NCOR2: variants seen among roughly 807,000 people sequenced by gnomAD.
The protein encoded by NCOR2 is nuclear receptor corepressor 2, also known as CTG repeat protein 26.
In NCOR2, 81 loss-of-function variants were observed where a neutral mutation model predicts 262.9. That is an observed-to-expected ratio of 0.31 (90% confidence interval 0.26 to 0.37). NCOR2 has a LOEUF of 0.37. Among genes scored for constraint, NCOR2 ranks in the 10% least tolerant of loss-of-function variants. The pLI is 1.00. For synonymous variants in NCOR2, 1,659 were observed against 1,559.3 expected, an observed-to-expected ratio of 1.06 and a Z score of -1.51; for missense variants, 3,385 against 3,621.4, an observed-to-expected ratio of 0.93 and a Z score of 1.68.
At position 124,503,619 on chromosome 12, in the gene NCOR2, GATGGATGGATGGATGGGCGA is replaced by G. The variant is rs1027266928; in HGVS notation, c.-117-8271_-117-8252del. On this transcript the variant is annotated intron_variant, in intron 1 of 46. Transcript: ENST00000404621. This position sits in a 1 kb window ranked among gnomAD's most constrained non-coding sequence, Gnocchi z 4.3. ...GGATGGATGGACGGACGGACGGATG[GATGGATGGATGGATGGGCGA>G]ATGGATGGATGGATGGATGGATGGA... Among the ~76,000 whole-genome samples the G allele has an allele frequency of 6.9e-6, 1 of 144,454 alleles. No homozygotes were observed. The highest frequency in any genetic ancestry group is 1.6e-5 in the Non-Finnish European group (1 of 64,296). The allele number at this position is 144,454 out of a possible 152,430, so 94.8% of individuals were successfully genotyped here. A position where few individuals can be genotyped will look rare whatever the true frequency, so the allele number is the denominator to read the frequency against.
exon 15 of NCOR2, chr12:124,400,594 T>C (rs1430162036): frequency 1.2e-6 from 2 of 1,614,242 alleles, no homozygotes; most frequent in Non-Finnish European, 1.7e-6. Flanking sequence ...CTTCCCTGGC[T>C]GTTGGCAGTT....
At chr12:124,325,392 C>CCCCCGGTG in exon 47 of NCOR2, 1 of 1,152,270 alleles carries the variant, frequency 8.7e-7, no homozygotes, top group Non-Finnish European at 1.1e-6. Context: ...CCCCCCCGCC[C>CCCCCGGTG]TGTTCTGAGT....
chr12:124,555,129 A>G (rs1483129906), intron 1 of NCOR2, among the ~76,000 whole-genome samples: 1 of 152,210 alleles, frequency 6.6e-6, no homozygotes, highest in Non-Finnish European at 1.5e-5. Flanking sequence ...CAGTGTCCCC[A>G]TCTGTAAACA....
At chr12:124,328,692 T>G (rs1378760255) in intron 44 of NCOR2, 1 of 158,466 alleles carries the variant, frequency 6.3e-6, no homozygotes, top group Admixed American at 6.4e-5. Flanking sequence ...TCATGGAGTT[T>G]TAAACTTCTG....
In NCOR2 at chr12:124,432,542, G is replaced by A. The variant is rs560030396; in HGVS notation, c.883-1755C>T. On this transcript the variant is annotated intron_variant, in intron 8 of 46. Transcript: ENST00000405201. The surrounding 1 kb of genome is among the most constrained non-coding windows in gnomAD (Gnocchi z 5.1). ...GGGCTCCGGCCGCACCAGACAGCCCGGATGGAGCCCACTGCCACACCACAG... is the reference window on the plus strand; with the variant it reads ...GGGCTCCGGCCGCACCAGACAGCCCAGATGGAGCCCACTGCCACACCACAG... Among the ~76,000 whole-genome samples the A allele has an allele frequency of 3.9e-5, 6 of 152,290 alleles. No individual in the cohort carries two copies. Among genetic ancestry groups the A allele is most frequent in the East Asian group, 3.9e-4 (2 of 5,176 alleles).
At chr12:124,358,965 G>A (rs536410984) in intron 22 of NCOR2, among the ~76,000 whole-genome samples, 2 of 152,366 alleles carry the variant, frequency 1.3e-5, no homozygotes, top group East Asian at 1.9e-4. Context: ...GGCAGATAGC[G>A]GCTTCGAACC....
Position 124,485,174 on chromosome 12 carries a change from C to T in NCOR2, c.233+1267G>A, listed in dbSNP as rs1237663187. Among the ~76,000 whole-genome samples the T allele has an allele frequency of 4.6e-5, 7 of 152,328 alleles. No homozygotes were observed. In the East Asian group the frequency reaches 1.2e-3, roughly 25 times the overall value. ...TCAAATAATGTCCTCCCAAAATCCA[C>T]GGCCACTGGAACCTCCAAATATAAC... On this transcript the variant is annotated intron_variant, in intron 2 of 46. Coordinates refer to ENST00000405201, the Ensembl canonical transcript of NCOR2.
exon 11 of NCOR2, chr12:124,426,638 CCTT>C (rs1272430890): frequency 6.3e-7 from 1 of 1,589,234 alleles, no homozygotes; most frequent in Non-Finnish European, 8.6e-7. Context: ...CGGAAGGTCT[CCTT>C]CTCCTGCTCA....
At chr12:124,373,097 A>AAT (rs2039631983) in intron 19 of NCOR2, among the ~76,000 whole-genome samples, 1 of 152,264 alleles carries the variant, frequency 6.6e-6, no homozygotes, top group Admixed American at 6.5e-5. Context: ...CAGGGCGGAG[A>AAT]AGCTGGCAAT....
chr12:124,555,692 G>A (rs1019951326), intron 1 of NCOR2, among the ~76,000 whole-genome samples: 5 of 152,168 alleles, frequency 3.3e-5, no homozygotes, highest in Non-Finnish European at 7.3e-5. Context: ...CCGGGAATCC[G>A]CCCAGAAAGC....
chr12:124,335,785 G>A (rs2035825385), intron 38 of NCOR2, 153 bp from the exon 41 acceptor site: 5 of 827,256 alleles, frequency 6.0e-6, no homozygotes, highest in Non-Finnish European at 9.2e-6. Context: ...CAGTAAGGCA[G>A]AGAGGGGTGT....
chr12:124,449,257 G>C lies in NCOR2; in HGVS notation c.815+558C>G, dbSNP rs886131012. Among the ~76,000 whole-genome samples, 5 of 152,154 alleles carry C rather than the reference G, an allele frequency of 3.3e-5. No homozygotes were observed. In the East Asian group the frequency reaches 9.6e-4, roughly 29 times the overall value. ...TTTTCTTCCCTCCTAGCACCGGTCT[G>C]GGAAAAGGCCCCCATCATTAGAATA... On this transcript the variant is annotated intron_variant, in intron 7 of 46. Coordinates refer to ENST00000405201, the Ensembl canonical transcript of NCOR2.
intron 1 of NCOR2, among the ~76,000 whole-genome samples, chr12:124,520,952 G>C (rs1484015963): frequency 6.6e-6 from 1 of 152,180 alleles, no homozygotes; most frequent in African/African-American, 2.4e-5. Flanking sequence ...GCCAAAGGGG[G>C]TCTGGAAAGG....
chr12:124,393,075 A>G (rs2136158260), intron 16 of NCOR2, among the ~76,000 whole-genome samples: 1 of 152,322 alleles, frequency 6.6e-6, no homozygotes, highest in South Asian at 2.1e-4. Flanking sequence ...CCCCCTCCAC[A>G]GCAGGTTCTC....
rs2048945426 is a variant in NCOR2, at chr12:124,504,593, C to G, written c.-117-9225G>C. Among the ~76,000 whole-genome samples the G allele has an allele frequency of 6.6e-6, 1 of 152,216 alleles. No individual in the cohort carries two copies. The highest frequency in any genetic ancestry group is 2.1e-4 in the South Asian group (1 of 4,838). ...CAAACAGAAAGGATTAGAATGCCCA[C>G]AGCAGCACTATTTACATCAGCCAAC... On this transcript the variant is annotated intron_variant, in intron 1 of 46. Transcript: ENST00000404621. The surrounding 1 kb of genome is among the most constrained non-coding windows in gnomAD (Gnocchi z 4.5).
Position 124,566,857 on chromosome 12 carries a change from G to A in NCOR2, c.-165+451C>T, listed in dbSNP as rs973449940. Among the ~76,000 whole-genome samples, 3 of 152,330 alleles carry A rather than the reference G, an allele frequency of 2.0e-5. No individual in the cohort carries two copies. Among genetic ancestry groups the A allele is most frequent in the Middle Eastern group, 3.4e-3 (1 of 294 alleles). ...CTCATGCGCCCCTCCACAACAGCCA[G>A]GCCAGGGAGCTAGGGGTACCATCTC... is the stretch of plus-strand genomic sequence containing the variant. On this transcript the variant is annotated intron_variant, in intron 1 of 32. Transcript: ENST00000458234. The surrounding 1 kb of genome is among the most constrained non-coding windows in gnomAD (Gnocchi z 4.3).
intron 7 of NCOR2, among the ~76,000 whole-genome samples, chr12:124,445,067 A>G (rs1471535738): frequency 6.6e-6 from 1 of 152,170 alleles, no homozygotes; most frequent in Non-Finnish European, 1.5e-5. Flanking sequence ...AGGCAGCAGG[A>G]GGGAAGAAAT....
At chr12:124,414,116 C>T (rs748612387) in intron 13 of NCOR2, among the ~76,000 whole-genome samples, 12 of 152,228 alleles carry the variant, frequency 7.9e-5, no homozygotes, top group South Asian at 2.1e-4. Context: ...TCCTACCTGG[C>T]GGATCAGGGC....
At position 124,363,620 on chromosome 12, in the gene NCOR2, A is replaced by G. The variant is rs902242572; in HGVS notation, c.2928+59T>C. 5.1e-5 allele frequency: 67 copies of G among 1,308,256 alleles called. No individual in the cohort carries two copies. The Admixed American group carries it at 1.9e-3, about 36-fold the overall frequency. The allele number at this position is 1,308,256 out of a possible 1,614,324, so 81.0% of individuals were successfully genotyped here. ...CCCGCCCGTGGGATTCTCTGTCTCA[A>G]TGAATGGGAAAGTCAAGGTCAGGGT... On this transcript the variant is annotated intron_variant, in intron 21 of 46. Coordinates refer to ENST00000405201, the Ensembl canonical transcript of NCOR2.
Sources: gnomAD v4.1 joint callset for allele counts (sites outside exome capture counted in the v4.1 genomes callset) on GRCh38, gnomAD v4.1.1 for gene constraint, Gnocchi (gnomAD v3.1) non-coding constraint, MANE v1.5 for transcripts, NCBI Gene and HGNC (gene_info 2026-07-23, HGNC 2026-07-21) for gene names.